Variants in ST6GALNAC1 observed in about 807,000 individuals in gnomAD.
The protein encoded by ST6GALNAC1 is ST6 N-acetylgalactosaminide alpha-2,6-sialyltransferase 1, also known as alpha-N-acetylgalactosaminide alpha-2,6-sialyltransferase 1.
Under a neutral mutation model 56.8 loss-of-function variants are expected in ST6GALNAC1, and 45 were observed. The observed-to-expected ratio is 0.79, with a 90% CI of 0.62 to 1.02. The LOEUF is 1.02. Among genes scored for constraint, ST6GALNAC1 ranks in the 50% least tolerant of loss-of-function variants. The pLI, the probability that ST6GALNAC1 is intolerant of heterozygous loss-of-function variation, is 0.00. For synonymous variants in ST6GALNAC1, 295 were observed against 297.8 expected (o/e 0.99, Z 0.10); for missense variants, 743 against 754.8 (o/e 0.98, Z 0.18).
chr17:76,621,542 C>T (rs541157649), downstream of ST6GALNAC1, among the ~76,000 whole-genome samples: 50 of 152,146 alleles, frequency 3.3e-4, no homozygotes, highest in South Asian at 4.8e-3. Flanking sequence ...GTGGCATGAT[C>T]TCGGCTCAGT....
At chr17:76,628,979 A>G in intron 2 of ST6GALNAC1, 33 bp downstream of exon 2, 1 of 1,514,742 alleles carries the variant, frequency 6.6e-7, no homozygotes, top group South Asian at 1.4e-5. Flanking sequence ...CAGAGCTGGG[A>G]GCCAGAGGGA....
intron 4 of ST6GALNAC1, 108 bp downstream of exon 4, chr17:76,626,959 C>T: frequency 6.9e-7 from 1 of 1,455,752 alleles, no homozygotes; most frequent in South Asian, 1.3e-5. Flanking sequence ...TCCTATGGGT[C>T]TCTCAGAAGA....
At chr17:76,631,799 C>T (rs1039724781) in intron 1 of ST6GALNAC1, among the ~76,000 whole-genome samples, 1 of 152,084 alleles carries the variant, frequency 6.6e-6, no homozygotes, top group Admixed American at 6.5e-5. Flanking sequence ...TACTACATGA[C>T]ATTCTGGGGC....
chr17:76,626,828 G>A (rs1461276685), intron 4 of ST6GALNAC1, 39 bp from the exon 5 acceptor site: 1 of 1,610,604 alleles, frequency 6.2e-7, no homozygotes, highest in South Asian at 1.1e-5. Flanking sequence ...CAGGTGAGCA[G>A]AGGAGGGAGA....
downstream of ST6GALNAC1, among the ~76,000 whole-genome samples, chr17:76,621,186 C>CTTTTTT (rs775271169): frequency 4.3e-4 from 47 of 110,068 alleles, no homozygotes; most frequent in African/African-American, 5.5e-4. Context: ...TTCTTTCTTT[C>CTTTTTT]TTTTTTTTTT....
chr17:76,629,251 T>C lies in ST6GALNAC1; in HGVS notation c.592A>G (p.Lys198Glu), dbSNP rs1449170579. The C allele has an allele frequency of 6.2e-7, 1 of 1,614,144 alleles. No individual in the cohort carries two copies. Among genetic ancestry groups the C allele is most frequent in the Non-Finnish European group, 8.5e-7 (1 of 1,180,020 alleles). Residue 198 changes from lysine to glutamate, a missense_variant, in exon 2 of 9, where the codon AAA (lysine) becomes GAA (glutamate). Coordinates refer to ENST00000156626, the MANE Select transcript of ST6GALNAC1 (RefSeq NM_018414.5). ...GGAGCCAGCATTCTGTGCTGACTTT[T>C]GGGAATGAGCGTCTTGGCTGTGGTT... ...AATTAKTLIP[K>E]SQHRMLAPTG... is the part of the protein sequence containing the mutation.
At chr17:76,638,109 T>TG in intron 1 of ST6GALNAC1, among the ~76,000 whole-genome samples, 1 of 101,996 alleles carries the variant, frequency 9.8e-6, no homozygotes, top group Non-Finnish European at 1.9e-5. Context: ...TACAGCTCAC[T>TG]CTTTTTTTTT....
chr17:76,642,739 T>C (rs886188779), intron 1 of ST6GALNAC1, among the ~76,000 whole-genome samples: 2 of 152,118 alleles, frequency 1.3e-5, no homozygotes, highest in Non-Finnish European at 2.9e-5. Context: ...AAGACCAGCC[T>C]GGCCAACATG....
Position 76,627,620 on chromosome 17 carries a change from C to T in ST6GALNAC1, c.832-37G>A. ...AGGACGAAGTCAGGAAGGGAGAGAC[C>T]CAGAAAGGCCATCGGCCAGGGGCTG... On this transcript the variant is annotated intron_variant, in intron 2 of 8. Transcript: ENST00000156626. The surrounding 1 kb of genome is among the most constrained non-coding windows in gnomAD (Gnocchi z 4.4). 1 of 1,600,360 alleles carries T rather than the reference C, an allele frequency of 6.2e-7. No individual in the cohort carries two copies. The highest frequency in any genetic ancestry group is 8.5e-7 in the Non-Finnish European group (1 of 1,171,974).
chr17:76,639,171 C>T (rs993121190), intron 1 of ST6GALNAC1, among the ~76,000 whole-genome samples: 1 of 152,184 alleles, frequency 6.6e-6, no homozygotes, highest in Admixed American at 6.5e-5. Flanking sequence ...AAAGTTTAAA[C>T]GTTTTGGCCT....
At chr17:76,631,075 G>A (rs968418118) in intron 1 of ST6GALNAC1, among the ~76,000 whole-genome samples, 36 of 133,506 alleles carry the variant, frequency 2.7e-4, no homozygotes, top group African/African-American at 1.1e-3. Flanking sequence ...CTGTGTGTGT[G>A]TGTGTGTGTG....
In ST6GALNAC1 at chr17:76,629,645, T is replaced by C; in HGVS notation, c.198A>G (p.Ala66=). The stretch of plus-strand genomic sequence containing the variant: ...TGGTTGTCCTCCTTGCCCTTGTGGG[T>C]GCCTGGGACTTAGGCTTTGCCAGGG... ...LQSLAKPKSQ[A]PTRARRTTIY... Residue 66 remains alanine (A), a synonymous_variant, in exon 2 of 9, where the codon GCA becomes GCG. Coordinates refer to ENST00000156626, the MANE Select transcript of ST6GALNAC1 (RefSeq NM_018414.5). The C allele has an allele frequency of 1.2e-6, 2 of 1,613,804 alleles. No individual in the cohort carries two copies. Among genetic ancestry groups the C allele is most frequent in the Non-Finnish European group, 1.7e-6 (2 of 1,179,810 alleles).
chr17:76,632,860 C>A (rs937729638), intron 1 of ST6GALNAC1, among the ~76,000 whole-genome samples: 3 of 152,152 alleles, frequency 2.0e-5, no homozygotes, highest in Non-Finnish European at 4.4e-5. Flanking sequence ...GACTTAACTG[C>A]ATAATTCTGA....
At chr17:76,629,784 T>G (rs966606476) in intron 1 of ST6GALNAC1, 73 bp from the exon 2 acceptor site, 11 of 470,422 alleles carry the variant, frequency 2.3e-5, no homozygotes, top group African/African-American at 1.0e-4. Flanking sequence ...TAGTTTTTTG[T>G]TTTTTTTTTT....
At position 76,626,634 on chromosome 17, in the gene ST6GALNAC1, C is replaced by T. The variant is rs934740442; in HGVS notation, c.1311+17G>A. 3 of 1,613,908 alleles carry T rather than the reference C, an allele frequency of 1.9e-6. No individual in the cohort carries two copies. Among genetic ancestry groups the T allele is most frequent in the South Asian group, 2.2e-5 (2 of 91,084 alleles). ...TCCAGAGTCTGGGTGTGGCCAGGCTCCTTCCTCTTTGCTCACCTTCCCAAG... is the reference window on the plus strand; with the variant it reads ...TCCAGAGTCTGGGTGTGGCCAGGCTTCTTCCTCTTTGCTCACCTTCCCAAG... On this transcript the variant is annotated intron_variant, in intron 5 of 8. Transcript: ENST00000156626.
At chr17:76,624,087 G>A (rs1306097009), downstream of ST6GALNAC1, among the ~76,000 whole-genome samples, 2 of 152,198 alleles carry the variant, frequency 1.3e-5, no homozygotes, top group Admixed American at 6.5e-5. Context: ...GCCGCCCGGA[G>A]CTGGCACTGC....
At position 76,627,207 on chromosome 17, in the gene ST6GALNAC1, T is replaced by C. The variant is rs749696306; in HGVS notation, c.1032A>G (p.Pro344=). Residue 344 remains proline (P), a synonymous_variant, in exon 4 of 9, where the codon CCA becomes CCG. Coordinates refer to ENST00000156626, the MANE Select transcript of ST6GALNAC1 (RefSeq NM_018414.5). This position sits in a 1 kb window ranked among gnomAD's most constrained non-coding sequence, Gnocchi z 4.4. ...LVQKVVTRFP[P]VPQQQLLLAS... Reference sequence around the variant, plus strand: ...CCAGGAGCAGCTGCTGCTGGGGCACTGGAGGGAAGCGTGTCACGACCTTCT... The same window carrying C: ...CCAGGAGCAGCTGCTGCTGGGGCACCGGAGGGAAGCGTGTCACGACCTTCT... The C allele has an allele frequency of 1.1e-4, 177 of 1,586,664 alleles. No homozygotes were observed. The South Asian group carries it at 2.0e-3, about 18-fold the overall frequency.
At chr17:76,626,256 G>T in intron 6 of ST6GALNAC1, 33 bp downstream of exon 6, 2 of 1,606,358 alleles carry the variant, frequency 1.2e-6, no homozygotes, top group South Asian at 2.2e-5. Context: ...GGCTCAGCCT[G>T]GGATAAGGGG....
At chr17:76,633,689 C>A (rs937467579) in intron 1 of ST6GALNAC1, 1 of 151,876 alleles carries the variant, frequency 6.6e-6, no homozygotes, top group Non-Finnish European at 1.5e-5. Flanking sequence ...CAGCTCATTG[C>A]AGCCTCGACC....
Sources: gnomAD v4.1 joint callset for allele counts (sites outside exome capture counted in the v4.1 genomes callset) on GRCh38, gnomAD v4.1.1 for gene constraint, Gnocchi (gnomAD v3.1) non-coding constraint, MANE v1.5 for transcripts, NCBI Gene and HGNC (gene_info 2026-07-23, HGNC 2026-07-21) for gene names.